Variants in LRRC28 observed in about 807,000 individuals in gnomAD.
LRRC28 encodes leucine-rich repeat-containing protein 28.
LRRC28 carries 39 observed loss-of-function variants against 45.7 expected under a neutral mutation model. That is an observed-to-expected ratio of 0.85 (90% CI 0.66 to 1.12). The LOEUF is 1.12. Ranked by LOEUF, LRRC28 falls within the 50% of genes most tolerant of loss-of-function variation. The pLI is 0.00. For missense variants in LRRC28, 435 were observed against 438.5 expected (o/e 0.99, Z 0.07); for synonymous variants, 206 against 178.8 (o/e 1.15, Z -1.22).
Position 99,258,964 on chromosome 15 carries a change from T to A in LRRC28, c.168+2839T>A, listed in dbSNP as rs139812324. Reference sequence around the variant, plus strand: ...TGTCTTTGAATGTTTCCTGTGAGACTCTTCAGCAACATAAACTGCTTAAGG... The same window carrying A: ...TGTCTTTGAATGTTTCCTGTGAGACACTTCAGCAACATAAACTGCTTAAGG... On this transcript the variant is annotated intron_variant, in intron 2 of 9. Coordinates refer to ENST00000301981, the MANE Select transcript of LRRC28 (RefSeq NM_144598.5). 4.8e-3 allele frequency: 3,543 copies of A among 745,780 alleles called. 118 individuals carry two copies. In the Admixed American group the frequency reaches 0.057, roughly 12 times the overall value. The allele number at this position is 745,780 out of a possible 1,614,324, so 46.2% of individuals were successfully genotyped here. A position where few individuals can be genotyped will look rare whatever the true frequency, so the allele number is the denominator to read the frequency against.
intron 1 of LRRC28, among the ~76,000 whole-genome samples, chr15:99,253,486 G>A (rs1337544581): frequency 6.6e-6 from 1 of 152,170 alleles, no homozygotes; most frequent in Admixed American, 6.5e-5. Context: ...GCTAAGAGGA[G>A]ACCAGCAAGT....
chr15:99,273,557 G>A (rs531857063), intron 2 of LRRC28, among the ~76,000 whole-genome samples: 2 of 152,180 alleles, frequency 1.3e-5, no homozygotes, highest in African/African-American at 4.8e-5. Flanking sequence ...GTTTTAAGGC[G>A]TTATTCTAAT....
chr15:99,289,939 C>CAAAAAAAAAAAA (rs398028517), intron 5 of LRRC28, among the ~76,000 whole-genome samples: 27 of 49,704 alleles, frequency 5.4e-4, no homozygotes, highest in East Asian at 3.0e-3. Context: ...GACTCCGTCT[C>CAAAAAAAAAAAA]AAAAAAAAAA....
chr15:99,273,520 A>G (rs1215822679), intron 2 of LRRC28, among the ~76,000 whole-genome samples: 1 of 151,864 alleles, frequency 6.6e-6, no homozygotes. Context: ...TACAGGCGTG[A>G]GCCACCGTGC....
In LRRC28 at chr15:99,389,351, TA is replaced by T. The variant is rs977717700; in HGVS notation, c.*3253del. On this transcript the variant is annotated 3_prime_UTR_variant, in exon 10 of 10. Coordinates refer to ENST00000301981, the MANE Select transcript of LRRC28 (RefSeq NM_144598.5). ...ATGAGGCTCTGCATATAATTTTCTC[TA>T]AAATATGTAACTATTTTGTAGTCTG... 6.6e-6 allele frequency: 1 copy of T among 152,244 alleles called. No individual in the cohort carries two copies. Among genetic ancestry groups the T allele is most frequent in the Non-Finnish European group, 1.5e-5 (1 of 68,040 alleles). 9.4% of individuals were successfully genotyped at this position (152,244 alleles called of 1,614,324 possible). A position where few individuals can be genotyped will look rare whatever the true frequency, so the allele number is the denominator to read the frequency against.
At chr15:99,328,876 A>G (rs1956069550) in intron 5 of LRRC28, among the ~76,000 whole-genome samples, 1 of 151,774 alleles carries the variant, frequency 6.6e-6, no homozygotes, top group Non-Finnish European at 1.5e-5. Flanking sequence ...GAGTTGCATC[A>G]TTGGCATCCT....
chr15:99,257,561 A>G (rs1163832680), intron 2 of LRRC28: 2 of 532,798 alleles, frequency 3.8e-6, no homozygotes, highest in Admixed American at 3.0e-5. Context: ...TGAGGATCCA[A>G]CCCGGGGGTG....
chr15:99,360,005 T>TA (rs1305781656), intron 7 of LRRC28, among the ~76,000 whole-genome samples: 2 of 152,170 alleles, frequency 1.3e-5, no homozygotes, highest in African/African-American at 4.8e-5. Context: ...CTTTGCCACT[T>TA]ATCAGTCCCT....
intron 9 of LRRC28, chr15:99,384,234 C>T (rs906915566): frequency 6.6e-6 from 1 of 152,042 alleles, no homozygotes; most frequent in African/African-American, 2.4e-5. Context: ...ACATTTTTAC[C>T]CAAGGGAATG....
intron 9 of LRRC28, among the ~76,000 whole-genome samples, chr15:99,383,669 G>C (rs1957897812): frequency 6.6e-6 from 1 of 152,116 alleles, no homozygotes; most frequent in Admixed American, 6.5e-5. Flanking sequence ...ATCTATGAAG[G>C]CATCAAGGGT....
intron 5 of LRRC28, among the ~76,000 whole-genome samples, chr15:99,297,751 A>G (rs556706078): frequency 6.6e-6 from 1 of 151,850 alleles, no homozygotes; most frequent in African/African-American, 2.4e-5. Context: ...CATTTCTCAG[A>G]AAAATATTTT....
intron 5 of LRRC28, among the ~76,000 whole-genome samples, chr15:99,327,116 C>G (rs2152285259): frequency 6.6e-6 from 1 of 152,202 alleles, no homozygotes; most frequent in Non-Finnish European, 1.5e-5. Context: ...GCTCTGTCGC[C>G]TAGGCTGGAG....
chr15:99,334,006 C>G lies in LRRC28; in HGVS notation c.469C>G (p.Leu157Val), dbSNP rs999649830. 2 of 1,614,142 alleles carry G rather than the reference C, an allele frequency of 1.2e-6. No homozygotes were observed. Among genetic ancestry groups the G allele is most frequent in the Non-Finnish European group, 1.7e-6 (2 of 1,180,016 alleles). ...TTTACCCGAGAGGCTTCACATGTGC[C>G]TTTCTCTGCAGTACCTCACTGTGGA... Reference protein sequence around the residue: ...LTLPERLHMCLSLQYLTVDRN... With the variant: ...LTLPERLHMCVSLQYLTVDRN... The change falls in exon 6 of 10, where the codon CTT becomes GTT. Residue 157 changes from leucine (L) to valine (V), a missense_variant. Leu to Val is a conservative substitution (Grantham distance 32). Transcript: ENST00000301981.
intron 9 of LRRC28, among the ~76,000 whole-genome samples, chr15:99,364,850 T>C (rs900776100): frequency 3.3e-5 from 5 of 152,240 alleles, no homozygotes; most frequent in East Asian, 1.9e-4. Context: ...TTTTGTAGTT[T>C]AGAGATTTTT....
chr15:99,376,588 G>A (rs1423142105), intron 9 of LRRC28, among the ~76,000 whole-genome samples: 2 of 152,050 alleles, frequency 1.3e-5, no homozygotes, highest in East Asian at 3.8e-4. Flanking sequence ...ACAACGTGCA[G>A]GTTTGTTACA....
At chr15:99,310,376 G>A (rs1955360116) in intron 5 of LRRC28, among the ~76,000 whole-genome samples, 1 of 152,158 alleles carries the variant, frequency 6.6e-6, no homozygotes, top group Non-Finnish European at 1.5e-5. Flanking sequence ...AAATATCTTG[G>A]CAAAATCATT....
intron 9 of LRRC28, among the ~76,000 whole-genome samples, chr15:99,379,824 G>A (rs538680608): frequency 6.6e-6 from 1 of 152,196 alleles, no homozygotes; most frequent in Non-Finnish European, 1.5e-5. Flanking sequence ...GGAGCAGGTT[G>A]TTCAGTTTCC....
At chr15:99,279,196 T>G (rs892779428) in intron 3 of LRRC28, among the ~76,000 whole-genome samples, 6 of 152,252 alleles carry the variant, frequency 3.9e-5, no homozygotes, top group Non-Finnish European at 7.3e-5. Flanking sequence ...GCATAATGTT[T>G]TCAAGGTTTA....
At chr15:99,365,228 A>C (rs1957308249) in intron 9 of LRRC28, among the ~76,000 whole-genome samples, 2 of 152,358 alleles carry the variant, frequency 1.3e-5, no homozygotes, top group African/African-American at 4.8e-5. Context: ...CCCTGCTACA[A>C]CTTAGAAATG....
Sources: allele counts gnomAD v4.1 joint callset (sites outside exome capture counted in the v4.1 genomes callset), GRCh38; gene constraint gnomAD v4.1.1; transcripts MANE v1.5; gene names NCBI Gene and HGNC (gene_info 2026-07-23, HGNC 2026-07-21).